Variants in TRMT9B observed in about 807,000 individuals in gnomAD.
The protein encoded by TRMT9B is probable tRNA methyltransferase 9B.
Under a neutral mutation model 11.5 loss-of-function variants are expected in TRMT9B, and 16 were observed. That is an observed-to-expected ratio of 1.39 (90% CI 0.94 to 2.11). TRMT9B has a LOEUF of 2.11. Ranked by LOEUF, TRMT9B falls within the 30% of genes most tolerant of loss-of-function variation. The pLI, the probability that TRMT9B is intolerant of heterozygous loss-of-function variation, is 0.00. For missense variants in TRMT9B, 941 were observed against 553.8 expected (o/e 1.70, Z -7.02); for synonymous variants, 274 against 192.4 (o/e 1.42, Z -3.51).
chr8:13,014,824 A>G (rs1168270767), intron 4 of TRMT9B, among the ~76,000 whole-genome samples: 1 of 152,112 alleles, frequency 6.6e-6, no homozygotes, highest in Non-Finnish European at 1.5e-5. Flanking sequence ...GCACTTTGGG[A>G]GGCCAAGGTG....
rs1409761252 is a variant in TRMT9B at position 13,006,326 on chromosome 8, C to A, written c.124C>A (p.Gln42Lys). ...WPRVRQFLQE[Q>K]KPGSLIADIG... Reference sequence around the variant, plus strand: ...TCGTGTCCGCCAGTTCCTGCAAGAGCAGAAGCCAGGCAGCCTCATCGCTGA... The same window carrying A: ...TCGTGTCCGCCAGTTCCTGCAAGAGAAGAAGCCAGGCAGCCTCATCGCTGA... Residue 42 changes from glutamine (Q) to lysine (K), a missense_variant, in exon 3 of 5, where the codon CAG (glutamine) becomes AAG (lysine). Coordinates refer to ENST00000524591, the MANE Select transcript of TRMT9B (RefSeq NM_020844.3). The A allele has an allele frequency of 6.2e-7, 1 of 1,613,170 alleles. No individual in the cohort carries two copies. The highest frequency in any genetic ancestry group is 2.2e-5 in the East Asian group (1 of 44,878).
intron 1 of TRMT9B, among the ~76,000 whole-genome samples, chr8:12,946,483 A>C (rs1800269920): frequency 6.6e-6 from 1 of 152,142 alleles, no homozygotes; most frequent in African/African-American, 2.4e-5. Flanking sequence ...GGGAGGACGG[A>C]GATTGTAGAA....
intron 2 of TRMT9B, among the ~76,000 whole-genome samples, chr8:12,993,994 C>T (rs112548990): frequency 4.6e-5 from 7 of 152,274 alleles, no homozygotes; most frequent in Non-Finnish European, 8.8e-5. Context: ...GAGCCATCAG[C>T]AGTTCTGCTC....
At chr8:13,005,482 C>A (rs1744059530) in intron 2 of TRMT9B, among the ~76,000 whole-genome samples, 1 of 152,090 alleles carries the variant, frequency 6.6e-6, no homozygotes, top group African/African-American at 2.4e-5. Context: ...GATGAACACC[C>A]CATTCTCCCT....
intron 1 of TRMT9B, among the ~76,000 whole-genome samples, chr8:12,947,558 A>G (rs1350765414): frequency 1.3e-4 from 20 of 152,258 alleles, no homozygotes; most frequent in Admixed American, 1.3e-3. Flanking sequence ...TGGTGACATA[A>G]GCATCATGCA....
At chr8:12,994,322 AAACT>A (rs551306176) in intron 2 of TRMT9B, among the ~76,000 whole-genome samples, 80 of 152,346 alleles carry the variant, frequency 5.3e-4, no homozygotes, top group Non-Finnish European at 7.1e-4. Flanking sequence ...CTGCTCTTTC[AAACT>A]AATGTTTTGA....
At chr8:12,960,847 G>A (rs1254842514) in intron 1 of TRMT9B, among the ~76,000 whole-genome samples, 2 of 152,040 alleles carry the variant, frequency 1.3e-5, no homozygotes, top group Non-Finnish European at 2.9e-5. Context: ...GGGATTTGTA[G>A]GGCAATAAAA....
chr8:13,019,473 T>G (rs1813404768), intron 4 of TRMT9B, among the ~76,000 whole-genome samples: 1 of 152,130 alleles, frequency 6.6e-6, no homozygotes, highest in Admixed American at 6.5e-5. Flanking sequence ...TTTATATTTT[T>G]TGTAGAGATG....
chr8:13,013,763 C>A (rs985868254), intron 4 of TRMT9B, among the ~76,000 whole-genome samples: 1 of 151,968 alleles, frequency 6.6e-6, no homozygotes, highest in African/African-American at 2.4e-5. Flanking sequence ...CCAGCCTGGC[C>A]AACATGTGAA....
In TRMT9B at chr8:12,988,222, C is replaced by G. The variant is rs150230978; in HGVS notation, c.-199-2612C>G. Among the ~76,000 whole-genome samples, 131 of 152,294 alleles carry G rather than the reference C, an allele frequency of 8.6e-4. 1 individual carries two copies. In the East Asian group the frequency reaches 0.025, roughly 29 times the overall value. On this transcript the variant is annotated intron_variant, in intron 1 of 4. Transcript: ENST00000524591. ...CCCCTTGAGGGAGCCTTCACTCCCC[C>G]TTCCCACTCCAGGCTGGATCAGTCG... is the stretch of plus-strand genomic sequence containing the variant.
chr8:12,993,696 A>G (rs11204005), intron 2 of TRMT9B, among the ~76,000 whole-genome samples: 36,407 of 152,210 alleles, frequency 0.24, 5,339 homozygotes, highest in East Asian at 0.59. Flanking sequence ...CTTTTGCTCC[A>G]GTCAGAGTCC....
chr8:12,998,949 T>C (rs917271002), intron 2 of TRMT9B, among the ~76,000 whole-genome samples: 3 of 152,204 alleles, frequency 2.0e-5, no homozygotes, highest in African/African-American at 7.2e-5. Context: ...GTTGGATATA[T>C]ATGTTAATGT....
chr8:12,961,949 C>T (rs1427682698), intron 1 of TRMT9B: 1 of 152,254 alleles, frequency 6.6e-6, no homozygotes, highest in Non-Finnish European at 1.5e-5. Flanking sequence ...TCCTTGCCAT[C>T]CAGTTTCATA....
chr8:12,979,835 C>G (rs962610510), intron 1 of TRMT9B, among the ~76,000 whole-genome samples: 1 of 152,106 alleles, frequency 6.6e-6, no homozygotes, highest in Non-Finnish European at 1.5e-5. Flanking sequence ...ATATCTTAAG[C>G]AGAGAAAACA....
intron 3 of TRMT9B, chr8:13,011,998 A>G (rs1314872494): frequency 1.0e-6 from 1 of 985,304 alleles, no homozygotes; most frequent in Non-Finnish European, 1.2e-6. Flanking sequence ...AAGCCGAAAC[A>G]TGCGTATATA....
intron 2 of TRMT9B, among the ~76,000 whole-genome samples, chr8:13,001,764 T>C (rs995350656): frequency 6.6e-6 from 1 of 152,202 alleles, no homozygotes; most frequent in Admixed American, 6.5e-5. Flanking sequence ...GCATTTTGAA[T>C]CTCAAAGGAG....
chr8:12,975,006 G>C (rs1804220500), intron 1 of TRMT9B, among the ~76,000 whole-genome samples: 1 of 151,742 alleles, frequency 6.6e-6, no homozygotes, highest in Non-Finnish European at 1.5e-5. Context: ...CATGGTCTGT[G>C]GTCATACATA....
At chr8:13,008,604 C>A (rs1335239714) in intron 3 of TRMT9B, among the ~76,000 whole-genome samples, 3 of 152,178 alleles carry the variant, frequency 2.0e-5, no homozygotes, top group Non-Finnish European at 4.4e-5. Flanking sequence ...TGACAGATAA[C>A]TTTGACCCTA....
chr8:12,985,840 T>C (rs374673473), intron 1 of TRMT9B, among the ~76,000 whole-genome samples: 1 of 152,074 alleles, frequency 6.6e-6, no homozygotes, highest in Non-Finnish European at 1.5e-5. Context: ...TAATGGGCTA[T>C]GTACTAGATT....
Sources: gnomAD v4.1 joint callset for allele counts (sites outside exome capture counted in the v4.1 genomes callset) on GRCh38, gnomAD v4.1.1 for gene constraint, MANE v1.5 for transcripts, NCBI Gene and HGNC (gene_info 2026-07-23, HGNC 2026-07-21) for gene names.